DAB1: variants seen among roughly 807,000 people sequenced by gnomAD.
The protein encoded by DAB1 is DAB adaptor protein 1, also known as disabled homolog 1.
In DAB1, 15 loss-of-function variants were observed where a neutral mutation model predicts 64.6. The observed-to-expected ratio is 0.23, with a 90% CI of 0.16 to 0.36. The LOEUF (loss-of-function observed/expected upper bound fraction) is 0.36. Ranked by LOEUF, DAB1 falls within the 10% of genes least tolerant of loss-of-function variation. The pLI is 1.00. For missense variants in DAB1, 596 were observed against 706.7 expected (o/e 0.84, Z 1.78); for synonymous variants, 235 against 251.9 (o/e 0.93, Z 0.64).
At chr1:58,258,940 G>C (rs189976322) in intron 4 of DAB1, among the ~76,000 whole-genome samples, 4 of 152,296 alleles carry the variant, frequency 2.6e-5, no homozygotes, top group African/African-American at 9.6e-5. Context: ...ACACTCAGTA[G>C]ATAATTATTT....
intron 9 of DAB1, among the ~76,000 whole-genome samples, chr1:57,043,864 C>A (rs1487004264): frequency 6.6e-6 from 1 of 151,236 alleles, no homozygotes; most frequent in Non-Finnish European, 1.5e-5. Flanking sequence ...AAAAAAAAAT[C>A]AGATGAGGTC....
At chr1:57,947,492 C>A (rs1645201519) in intron 5 of DAB1, among the ~76,000 whole-genome samples, 1 of 152,150 alleles carries the variant, frequency 6.6e-6, no homozygotes. Context: ...CCTAGGTCTA[C>A]CCACTAAATA....
At chr1:57,448,299 C>T (rs549527100) in intron 7 of DAB1, among the ~76,000 whole-genome samples, 1 of 152,150 alleles carries the variant, frequency 6.6e-6, no homozygotes, top group Non-Finnish European at 1.5e-5. Flanking sequence ...TTTTTCCACA[C>T]CCATTTATGA....
At chr1:57,756,541 G>A (rs1648815709) in intron 6 of DAB1, among the ~76,000 whole-genome samples, 1 of 152,094 alleles carries the variant, frequency 6.6e-6, no homozygotes, top group African/African-American at 2.4e-5. Flanking sequence ...TTATTGGGGG[G>A]TTTTAATCGG....
intron 5 of DAB1, among the ~76,000 whole-genome samples, chr1:57,951,317 C>CATATATATACATATATATATATATATAT (rs1645271898): frequency 1.4e-5 from 1 of 69,810 alleles, no homozygotes; most frequent in Non-Finnish European, 3.9e-5. Context: ...GAGCCTGATT[C>CATATATATACATATATATATATATATAT]ATATATATAT....
intron 5 of DAB1, among the ~76,000 whole-genome samples, chr1:58,100,806 T>C (rs749195471): frequency 1.3e-5 from 2 of 152,186 alleles, no homozygotes; most frequent in Non-Finnish European, 2.9e-5. Context: ...TGGAACAAAG[T>C]AGGTACACAA....
chr1:57,998,386 TC>T (rs1557602863), intron 5 of DAB1, among the ~76,000 whole-genome samples: 3 of 138,178 alleles, frequency 2.2e-5, no homozygotes, highest in African/African-American at 8.4e-5. Flanking sequence ...CTTTTTTTTC[TC>T]TCTTTTTTTT....
chr1:57,895,758 A>T (rs1644383211), intron 5 of DAB1, among the ~76,000 whole-genome samples: 1 of 152,192 alleles, frequency 6.6e-6, no homozygotes, highest in Admixed American at 6.5e-5. Context: ...ATAGAATCAA[A>T]ATCAGAGAAA....
intron 7 of DAB1, among the ~76,000 whole-genome samples, chr1:57,439,578 G>A (rs1033163068): frequency 7.4e-5 from 11 of 148,338 alleles, no homozygotes; most frequent in South Asian, 2.2e-4. Flanking sequence ...ACAGGCGCCC[G>A]CCACCGCGCC....
At chr1:57,464,940 G>C (rs1686907062) in intron 7 of DAB1, among the ~76,000 whole-genome samples, 1 of 151,208 alleles carries the variant, frequency 6.6e-6, no homozygotes, top group African/African-American at 2.4e-5. Flanking sequence ...AAAGGCGTTT[G>C]TTAACAGCTC....
intron 7 of DAB1, among the ~76,000 whole-genome samples, chr1:57,440,439 C>A (rs2101131768): frequency 6.6e-6 from 1 of 152,296 alleles, no homozygotes; most frequent in South Asian, 2.1e-4. Flanking sequence ...GAGATGGGAA[C>A]TTCTTACATT....
intron 5 of DAB1, among the ~76,000 whole-genome samples, chr1:58,038,578 CT>C (rs34814864): frequency 0.45 from 68,427 of 151,906 alleles, 15,683 homozygotes; most frequent in African/African-American, 0.5. Context: ...TAATAAGCTC[CT>C]TTTTTTACCA....
intron 7 of DAB1, among the ~76,000 whole-genome samples, chr1:57,524,414 G>GAACT: frequency 6.6e-6 from 1 of 152,184 alleles, no homozygotes; most frequent in African/African-American, 2.4e-5. Flanking sequence ...CGTCCATGTG[G>GAACT]AGAGACCACC....
At chr1:57,997,674 C>G (rs537823640) in intron 5 of DAB1, among the ~76,000 whole-genome samples, 1 of 152,096 alleles carries the variant, frequency 6.6e-6, no homozygotes. Context: ...GGGGTGAAGA[C>G]TAGGGAGAAT....
chr1:58,047,799 A>T, intron 5 of DAB1: 1 of 237,576 alleles, frequency 4.2e-6, no homozygotes, highest in Middle Eastern at 1.5e-3. Flanking sequence ...ACAACTGTTT[A>T]TCCGGCATCC....
chr1:57,248,198 T>C (rs1292101247), intron 2 of DAB1, among the ~76,000 whole-genome samples: 1 of 152,220 alleles, frequency 6.6e-6, no homozygotes, highest in Non-Finnish European at 1.5e-5. Context: ...AAATAGTGAA[T>C]CTATTTTATT....
intron 9 of DAB1, chr1:57,033,460 G>T (rs1162570994): frequency 6.2e-7 from 1 of 1,612,774 alleles, no homozygotes; most frequent in South Asian, 1.1e-5. Flanking sequence ...TGACTGATGA[G>T]CATGAAATGA....
At chr1:58,463,090 C>T (rs1645259725) in intron 3 of DAB1, among the ~76,000 whole-genome samples, 1 of 152,238 alleles carries the variant, frequency 6.6e-6, no homozygotes, top group Non-Finnish European at 1.5e-5. Flanking sequence ...CTATGTCTCA[C>T]ATACGAAACA....
chr1:57,438,996 G>A (rs1329977634), intron 7 of DAB1, among the ~76,000 whole-genome samples: 2 of 152,174 alleles, frequency 1.3e-5, no homozygotes, highest in Non-Finnish European at 2.9e-5. Flanking sequence ...GTTGGAGCAT[G>A]TGACCCAAGC....
Sources: gnomAD v4.1 joint callset for allele counts (sites outside exome capture counted in the v4.1 genomes callset) on GRCh38, gnomAD v4.1.1 for gene constraint, MANE v1.5 for transcripts, NCBI Gene and HGNC (gene_info 2026-07-23, HGNC 2026-07-21) for gene names.